Variants in ADCY7 observed in about 807,000 individuals in gnomAD.
ADCY7 encodes the protein adenylate cyclase 7, also known as adenylate cyclase type 7.
A neutral mutation model predicts 120.6 loss-of-function variants in ADCY7; 72 were observed. The observed-to-expected ratio is 0.60, with a 90% CI of 0.49 to 0.73. ADCY7 has a LOEUF of 0.73. ADCY7 is among the 30% of genes least tolerant of loss of function. ADCY7 has a pLI of 0.00. For missense variants in ADCY7, 1,227 were observed against 1,486.0 expected (o/e 0.83, Z 2.87); for synonymous variants, 661 against 628.0 (o/e 1.05, Z -0.78).
At chr16:50,309,102 C>G (rs2036276395) in intron 17 of ADCY7, 3 of 347,064 alleles carry the variant, frequency 8.6e-6, no homozygotes, top group East Asian at 5.0e-5. Context: ...AGGGATGAAC[C>G]CTTGCTCCTC....
chr16:50,312,140 C>T lies in ADCY7; in HGVS notation c.2553C>T (p.Asn851=), dbSNP rs373819210. The change falls in exon 21 of 26, where the codon AAC becomes AAT. Residue 851 remains asparagine (N), a synonymous_variant. Coordinates refer to ENST00000673801, the MANE Select transcript of ADCY7 (RefSeq NM_001114.5). ...MENVNRLLLE[N]VLPAHVAAHF... is the part of the protein sequence containing the mutation. ...ACGTGAACCGCCTTCTTCTGGAGAA[C>T]GTCCTGCCAGCCCACGTGGCTGCCC... is the stretch of plus-strand genomic sequence containing the variant. 6.4e-5 allele frequency: 103 copies of T among 1,614,208 alleles called. No homozygotes were observed. The East Asian group carries it at 9.8e-4, about 15-fold the overall frequency.
rs1419413055 is a variant in ADCY7 at position 50,266,583 on chromosome 16, GA to G, written c.-365del. 1 of 154,776 alleles carries G rather than the reference GA, an allele frequency of 6.5e-6. No homozygotes were observed. Among genetic ancestry groups the G allele is most frequent in the African/African-American group, 2.4e-5 (1 of 41,466 alleles). The allele number at this position is 154,776 out of a possible 1,614,324, so 9.6% of individuals were successfully genotyped here. On this transcript the variant is annotated 5_prime_UTR_variant, in exon 1 of 26. It removes an upstream start codon present in the reference 5' UTR. Coordinates refer to ENST00000673801, the MANE Select transcript of ADCY7 (RefSeq NM_001114.5). Reference sequence around the variant, plus strand: ...TTAGGTAGCGTGGAAGGAGCCTTCGGATGGGTGAGCCTGGGCGCGTCTGAGG... The same window carrying G: ...TTAGGTAGCGTGGAAGGAGCCTTCGGTGGGTGAGCCTGGGCGCGTCTGAGG...
At chr16:50,311,935 C>A in intron 20 of ADCY7, 101 bp from the exon 21 acceptor site, 1 of 1,549,502 alleles carries the variant, frequency 6.5e-7, no homozygotes, top group Non-Finnish European at 8.8e-7. Context: ...TGGCCAGAGG[C>A]TCCAAGGACG....
At chr16:50,281,415 C>A (rs2034258512) in intron 1 of ADCY7, among the ~76,000 whole-genome samples, 1 of 152,160 alleles carries the variant, frequency 6.6e-6, no homozygotes, top group African/African-American at 2.4e-5. Context: ...GCAGGTGCTT[C>A]CCGATCTTGA....
chr16:50,275,909 C>T (rs997812789), intron 1 of ADCY7, among the ~76,000 whole-genome samples: 2 of 152,200 alleles, frequency 1.3e-5, no homozygotes, highest in African/African-American at 4.8e-5. Context: ...CCTTGGGTAG[C>T]CCAGCCCATT....
Position 50,293,208 on chromosome 16 carries a change from G to A in ADCY7, c.688-146G>A, listed in dbSNP as rs1034262658. On this transcript the variant is annotated intron_variant, in intron 5 of 25. Transcript: ENST00000673801. ...TGGTGGAGGACAAGAGCAGAGATGG[G>A]GACATTGTGGGCAGGGCAGGCAGGC... is the stretch of plus-strand genomic sequence containing the variant. 20 of 882,202 alleles carry A rather than the reference G, an allele frequency of 2.3e-5. No homozygotes were observed. The Middle Eastern group carries it at 1.4e-3, about 61-fold the overall frequency. 54.6% of individuals were successfully genotyped at this position (882,202 alleles called of 1,614,324 possible). A position where few individuals can be genotyped will look rare whatever the true frequency, so the allele number is the denominator to read the frequency against.
intron 1 of ADCY7, among the ~76,000 whole-genome samples, chr16:50,257,880 C>A (rs960462424): frequency 2.0e-5 from 3 of 151,734 alleles, no homozygotes; most frequent in African/African-American, 7.3e-5. Context: ...ATAGCTGGGA[C>A]CACAGGCATG....
chr16:50,246,919 C>T lies in ADCY7; in HGVS notation c.-64+716C>T, dbSNP rs115517747. Among the ~76,000 whole-genome samples, 1,075 of 152,282 alleles carry T rather than the reference C, an allele frequency of 7.1e-3. 10 individuals are homozygous for T. Among genetic ancestry groups the T allele is most frequent in the African/African-American group, 0.025 (1,038 of 41,550 alleles). On this transcript the variant is annotated intron_variant, in intron 1 of 4. Coordinates refer to the ADCY7 transcript ENST00000564044. ...AAGGCCAGGAACTCCTTTCTGAGTCCCAGAGCTGAAGCTGGAAATGACCAC... is the reference window on the plus strand; with the variant it reads ...AAGGCCAGGAACTCCTTTCTGAGTCTCAGAGCTGAAGCTGGAAATGACCAC...
chr16:50,296,283 G>A (rs1218451460), intron 7 of ADCY7, among the ~76,000 whole-genome samples: 2 of 151,666 alleles, frequency 1.3e-5, no homozygotes, highest in Non-Finnish European at 2.9e-5. Flanking sequence ...GAATTCCTAC[G>A]CTCAAGTGAT....
chr16:50,302,311 C>T (rs1210246405), intron 10 of ADCY7, among the ~76,000 whole-genome samples: 1 of 152,212 alleles, frequency 6.6e-6, no homozygotes, highest in African/African-American at 2.4e-5. Flanking sequence ...GGCTGCAGCC[C>T]CCCACCCCGT....
Position 50,313,042 on chromosome 16 carries a change from G to A in ADCY7, c.2751+6G>A. 1.9e-6 allele frequency: 3 copies of A among 1,614,074 alleles called. No homozygotes were observed. The highest frequency in any genetic ancestry group is 2.5e-6 in the Non-Finnish European group (3 of 1,179,952). On this transcript the variant is annotated splice_donor_region_variant and intron_variant, in intron 22 of 25. Coordinates refer to ENST00000673801, the MANE Select transcript of ADCY7 (RefSeq NM_001114.5). ...TCATTGCCGACTTCGACGAGGTACA[G>A]CCTCTAGCCCAGCCTTGCGCAGCAG...
At chr16:50,263,466 A>G (rs544279909), upstream of ADCY7, among the ~76,000 whole-genome samples, 5 of 152,248 alleles carry the variant, frequency 3.3e-5, no homozygotes, top group Non-Finnish European at 5.9e-5. Flanking sequence ...GCTCAGTGGG[A>G]CAGGAACCTT....
chr16:50,304,899 G>A (rs2035961421), intron 11 of ADCY7, 26 bp from the exon 12 acceptor site: 1 of 1,613,620 alleles, frequency 6.2e-7, no homozygotes, highest in Admixed American at 1.7e-5. Context: ...GGGAATGACT[G>A]TATCCTTTCC....
At chr16:50,291,664 TGCAGGGTTCCGGGGGCTGTACGGCCTGG>T in intron 3 of ADCY7, 44 bp from the exon 4 acceptor site, 9 of 1,590,926 alleles carry the variant, frequency 5.7e-6, no homozygotes, top group Non-Finnish European at 7.7e-6. Flanking sequence ...GCTGCTGTGG[TGCAGGGTTCCGGGGGCTGTACGGCCTGG>T]GGCAGCATCT....
chr16:50,310,329 C>T (rs952009812), intron 18 of ADCY7: 12 of 811,482 alleles, frequency 1.5e-5, no homozygotes, highest in Non-Finnish European at 2.0e-5. Context: ...GGCTGGGGAG[C>T]CACAGCACAA....
chr16:50,259,163 C>T (rs1051257454), intron 1 of ADCY7, among the ~76,000 whole-genome samples: 2 of 152,168 alleles, frequency 1.3e-5, no homozygotes, highest in Non-Finnish European at 2.9e-5. Context: ...GTGATAACTC[C>T]TAAGATTTGG....
upstream of ADCY7, among the ~76,000 whole-genome samples, chr16:50,265,927 G>T (rs984925703): frequency 2.6e-5 from 4 of 152,224 alleles, no homozygotes; most frequent in African/African-American, 9.6e-5. Flanking sequence ...TAGCAGAAGG[G>T]GTGCTGGGGT....
rs1341923357 is a variant in ADCY7 at position 50,310,862 on chromosome 16, A to T, written c.2336A>T (p.Lys779Met). The part of the protein sequence containing the change: ...CCGQGLGNLT[K>M]PNGTTSGTPS... ...GGCCAAGGCCTGGGCAACCTCACCA[A>T]GCCCAACGGCACCACCAGGTGGGGT... The change falls in exon 19 of 26, where the codon AAG (lysine) becomes ATG (methionine). Residue 779 changes from lysine to methionine, a missense_variant. This residue lies in a region of ADCY7 where 267 missense variants were observed against 270.0 expected (regional missense o/e 0.99). Coordinates refer to ENST00000673801, the MANE Select transcript of ADCY7 (RefSeq NM_001114.5). 7 of 1,608,298 alleles carry T rather than the reference A, an allele frequency of 4.4e-6. No individual in the cohort carries two copies. Among genetic ancestry groups the T allele is most frequent in the East Asian group, 2.2e-5 (1 of 44,586 alleles).
intron 1 of ADCY7, among the ~76,000 whole-genome samples, chr16:50,254,556 A>C (rs2032855039): frequency 6.6e-6 from 1 of 152,276 alleles, no homozygotes; most frequent in African/African-American, 2.4e-5. Flanking sequence ...ACTTAGGAAT[A>C]AATTCAACGG....
Sources: gnomAD v4.1 joint callset for allele counts (sites outside exome capture counted in the v4.1 genomes callset) on GRCh38, gnomAD v4.1.1 for gene constraint, gnomAD v4.1.1 regional missense constraint, MANE v1.5 for transcripts, NCBI Gene and HGNC (gene_info 2026-07-23, HGNC 2026-07-21) for gene names.